The following ASXL1 variants were observed in gnomAD, a reference collection of about 807,000 sequenced individuals.
The protein encoded by ASXL1 is polycomb group protein ASXL1.
A neutral mutation model predicts 89.1 loss-of-function variants in ASXL1; 65 were observed. That is an observed-to-expected ratio of 0.73 (90% CI 0.60 to 0.90). ASXL1 has a LOEUF of 0.90. Among genes scored for constraint, ASXL1 ranks in the 40% least tolerant of loss-of-function variants. The pLI is 0.00. For missense variants in ASXL1, 1,786 were observed against 1,942.9 expected (o/e 0.92, Z 1.52); for synonymous variants, 739 against 746.9 (o/e 0.99, Z 0.17).
At chr20:32,420,485 G>A (rs1044730269) in intron 4 of ASXL1, among the ~76,000 whole-genome samples, 5 of 151,980 alleles carry the variant, frequency 3.3e-5, no homozygotes, top group African/African-American at 9.7e-5. Context: ...ACTTATTACA[G>A]ATGGTTTATT....
rs2048051873 is a variant in ASXL1 at position 32,358,609 on chromosome 20, C to G, written c.-167C>G. On this transcript the variant is annotated 5_prime_UTR_variant, in exon 1 of 13. Coordinates refer to ENST00000375687, the MANE Select transcript of ASXL1 (RefSeq NM_015338.6). ...CCCCCACCGCCGCTCTCGCGCCAGC[C>G]GGTCCCCGCGTGCCCGCCCCTTCTC... is the stretch of plus-strand genomic sequence containing the variant. 1 of 187,480 alleles carries G rather than the reference C, an allele frequency of 5.3e-6. No individual in the cohort carries two copies. Among genetic ancestry groups the G allele is most frequent in the East Asian group, 1.0e-4 (1 of 9,762 alleles). The allele number at this position is 187,480 out of a possible 1,614,324, so 11.6% of individuals were successfully genotyped here.
At chr20:32,409,276 G>A (rs2049006360) in intron 4 of ASXL1, among the ~76,000 whole-genome samples, 1 of 152,124 alleles carries the variant, frequency 6.6e-6, no homozygotes, top group Non-Finnish European at 1.5e-5. Context: ...CCCAGCCTCA[G>A]CTATTTTTAT....
chr20:32,431,126 G>C, intron 8 of ASXL1, 195 bp from the exon 9 acceptor site: 1 of 739,604 alleles, frequency 1.4e-6, no homozygotes, highest in Non-Finnish European at 2.4e-6. Flanking sequence ...GCAACCCCAA[G>C]TGTTCTCCTG....
intron 4 of ASXL1, among the ~76,000 whole-genome samples, chr20:32,386,748 C>T (rs1264138926): frequency 1.3e-5 from 2 of 151,414 alleles, no homozygotes; most frequent in Non-Finnish European, 2.9e-5. Flanking sequence ...AAATCAAATG[C>T]CATATTGATT....
rs146444980 is a variant in ASXL1 at position 32,375,688 on chromosome 20, TG to T, written c.252+6566del. 4.0e-4 allele frequency among the ~76,000 whole-genome samples: 60 copies of T among 150,598 alleles called. 8 individuals carry two copies. Among genetic ancestry groups the T allele is most frequent in the Middle Eastern group, 3.4e-3 (1 of 292 alleles). ...GTAGTTTGTTTTTTTTGTTTTGTTT[TG>T]TTTTGTTTTTTGAGACAGGGCCTGG... is the stretch of plus-strand genomic sequence containing the variant. On this transcript the variant is annotated intron_variant, in intron 4 of 12. Transcript: ENST00000375687.
At chr20:32,400,313 G>C (rs1320178076) in intron 4 of ASXL1, among the ~76,000 whole-genome samples, 1 of 152,044 alleles carries the variant, frequency 6.6e-6, no homozygotes, top group East Asian at 1.9e-4. Flanking sequence ...ACCTCGTTGG[G>C]TGCTGGGGAT....
chr20:32,416,392 T>C (rs939902369), intron 4 of ASXL1, among the ~76,000 whole-genome samples: 15 of 152,138 alleles, frequency 9.9e-5, no homozygotes, highest in Admixed American at 9.8e-4. Context: ...CAAACCCCAA[T>C]CCCTCTGTCC....
chr20:32,433,487 C>G lies in ASXL1; in HGVS notation c.1289C>G (p.Ser430Ter), dbSNP rs2011597389. 6.2e-7 allele frequency: 1 copy of G among 1,614,146 alleles called. No homozygotes were observed. Among genetic ancestry groups the G allele is most frequent in the Non-Finnish European group, 8.5e-7 (1 of 1,180,024 alleles). Reference sequence around the variant, plus strand: ...AGGAATCTGTACAAAAAACAGGAGTCAGAACAAGCAGGGGTTGCTAAGGAT... The same window carrying G: ...AGGAATCTGTACAAAAAACAGGAGTGAGAACAAGCAGGGGTTGCTAAGGAT... Reference protein sequence around the residue: ...ARRNLYKKQESEQAGVAKDAK... With the variant: ...ARRNLYKKQE Residue 430 changes from serine (S) to a stop codon, truncating the protein, a stop_gained, in exon 12 of 13, where the codon TCA becomes TGA. Coordinates refer to ENST00000375687, the MANE Select transcript of ASXL1 (RefSeq NM_015338.6). LOFTEE classifies it high-confidence loss of function.
chr20:32,407,917 C>G (rs2048982440), intron 4 of ASXL1, among the ~76,000 whole-genome samples: 1 of 152,004 alleles, frequency 6.6e-6, no homozygotes, highest in South Asian at 2.1e-4. Context: ...ATTTTTGGCT[C>G]TTAGGTGTGC....
intron 1 of ASXL1, among the ~76,000 whole-genome samples, chr20:32,365,137 TAATG>T (rs1316898691): frequency 6.6e-6 from 1 of 152,096 alleles, no homozygotes; most frequent in African/African-American, 2.4e-5. Context: ...TTAGAGTAGA[TAATG>T]AAGGGGTATA....
At chr20:32,402,838 T>C (rs1354808094) in intron 4 of ASXL1, among the ~76,000 whole-genome samples, 1 of 152,246 alleles carries the variant, frequency 6.6e-6, no homozygotes, top group Non-Finnish European at 1.5e-5. Flanking sequence ...ACAAGTTATT[T>C]GTTGGATACG....
intron 4 of ASXL1, among the ~76,000 whole-genome samples, chr20:32,375,547 T>C (rs1239080869): frequency 1.3e-5 from 2 of 152,192 alleles, no homozygotes; most frequent in African/African-American, 4.8e-5. Context: ...TTGTGTATAA[T>C]ACATAGTCCA....
intron 4 of ASXL1, among the ~76,000 whole-genome samples, chr20:32,409,290 C>T (rs527816947): frequency 3.3e-5 from 5 of 152,234 alleles, no homozygotes; most frequent in Admixed American, 6.5e-5. Context: ...TTTTTATTTT[C>T]GATGCTATTA....
intron 4 of ASXL1, among the ~76,000 whole-genome samples, chr20:32,398,458 T>C (rs1335783307): frequency 6.6e-6 from 1 of 152,110 alleles, no homozygotes; most frequent in Non-Finnish European, 1.5e-5. Flanking sequence ...TTATTAAGCA[T>C]TTTTCTCTCT....
chr20:32,410,908 G>T (rs572259022), intron 4 of ASXL1, among the ~76,000 whole-genome samples: 9 of 151,918 alleles, frequency 5.9e-5, no homozygotes, highest in African/African-American at 2.2e-4. Context: ...GCGCATGCCT[G>T]TAATCTCAGC....
intron 4 of ASXL1, among the ~76,000 whole-genome samples, chr20:32,397,028 CTT>C (rs775644518): frequency 1.5e-5 from 2 of 137,208 alleles, no homozygotes; most frequent in Non-Finnish European, 3.2e-5. Flanking sequence ...CTCACTGTGG[CTT>C]TTTTTTTTTT....
chr20:32,366,011 T>C (rs540013358), intron 1 of ASXL1, among the ~76,000 whole-genome samples: 54 of 152,270 alleles, frequency 3.5e-4, no homozygotes, highest in African/African-American at 1.2e-3. Flanking sequence ...CTAATCAAAC[T>C]TCCTTGGGAA....
chr20:32,418,204 C>T (rs986644028), intron 4 of ASXL1, among the ~76,000 whole-genome samples: 1 of 151,310 alleles, frequency 6.6e-6, no homozygotes, highest in South Asian at 2.1e-4. Flanking sequence ...TAAATAAATA[C>T]AATAAATAAA....
At chr20:32,372,257 C>T in intron 4 of ASXL1, 1 of 1,292,916 alleles carries the variant, frequency 7.7e-7, no homozygotes, top group Non-Finnish European at 1.0e-6. Context: ...TGGGAGTGGT[C>T]TGTTAGTCTA....
Sources: allele counts gnomAD v4.1 joint callset (sites outside exome capture counted in the v4.1 genomes callset), GRCh38; gene constraint gnomAD v4.1.1; transcripts MANE v1.5; gene names NCBI Gene and HGNC (gene_info 2026-07-23, HGNC 2026-07-21).